Variants in DPYD observed in about 807,000 individuals in gnomAD.
DPYD encodes the protein dihydropyrimidine dehydrogenase.
A neutral mutation model predicts 116.2 loss-of-function variants in DPYD; 109 were observed. The observed-to-expected ratio is 0.94, with a 90% CI of 0.80 to 1.10. The LOEUF (loss-of-function observed/expected upper bound fraction) is 1.10, where lower values mean the gene tolerates loss of function less well. DPYD is among the 50% of genes least tolerant of loss of function. The pLI is 0.00. For synonymous variants in DPYD, 440 were observed against 432.0 expected (o/e 1.02, Z -0.23); for missense variants, 1,302 against 1,254.5 (o/e 1.04, Z -0.57).
chr1:97,298,746 T>C lies in DPYD; in HGVS notation c.2299+6513A>G, dbSNP rs78142314. The stretch of plus-strand genomic sequence containing the variant: ...TGGATAGAGATGGTGAGGAATCTCA[T>C]TCCAGTCATGCTCTCCTTTCCTAAT... On this transcript the variant is annotated intron_variant, in intron 18 of 22. Coordinates refer to ENST00000370192, the MANE Select transcript of DPYD (RefSeq NM_000110.4). 1.5e-3 allele frequency among the ~76,000 whole-genome samples: 225 copies of C among 152,270 alleles called. 1 individual carries two copies. The East Asian group carries it at 0.02, about 14-fold the overall frequency.
intron 14 of DPYD, among the ~76,000 whole-genome samples, chr1:97,404,942 A>T (rs1449140863): frequency 7.0e-6 from 1 of 143,084 alleles, no homozygotes. Context: ...TTAGCATATC[A>T]CTTGTACTTT....
rs779448929 is a variant in DPYD at position 97,082,408 on chromosome 1, T to C, written c.2829A>G (p.Gln943=). The C allele has an allele frequency of 5.0e-6, 8 of 1,613,706 alleles. No homozygotes were observed. In the South Asian group the frequency reaches 8.8e-5, roughly 18 times the overall value. Residue 943 remains glutamine, a synonymous_variant, in exon 22 of 23, where the codon CAA becomes CAG. Coordinates refer to ENST00000370192, the MANE Select transcript of DPYD (RefSeq NM_000110.4). ...TTTCTTCATCAATCATAGCCACAACTTGCTCTACGTTGCTCAATTCACCAA... is the reference window on the plus strand; with the variant it reads ...TTTCTTCATCAATCATAGCCACAACCTGCTCTACGTTGCTCAATTCACCAA... ...GTFGELSNVE[Q]VVAMIDEEMC... is the part of the protein sequence containing the mutation.
Position 97,180,012 on chromosome 1 carries a change from T to C in DPYD, c.2622+13057A>G, listed in dbSNP as rs1657543220. On this transcript the variant is annotated intron_variant, in intron 20 of 22. Transcript: ENST00000370192. ...CAATTATTCAGGGCAACTGAAGATA[T>C]CCTCACCTATCCTTCCTAAGCTCCC... is the stretch of plus-strand genomic sequence containing the variant. 1.3e-5 allele frequency among the ~76,000 whole-genome samples: 2 copies of C among 152,154 alleles called. 1 individual carries two copies. The highest frequency in any genetic ancestry group is 2.9e-5 in the Non-Finnish European group (2 of 68,022).
intron 16 of DPYD, among the ~76,000 whole-genome samples, chr1:97,320,181 G>T (rs1253134664): frequency 1.6e-5 from 2 of 127,718 alleles, no homozygotes; most frequent in African/African-American, 2.9e-5. Context: ...ACAAGACAGG[G>T]ATGCCCTCTC....
chr1:97,247,991 C>A (rs548743323), intron 18 of DPYD, among the ~76,000 whole-genome samples: 17 of 152,242 alleles, frequency 1.1e-4, no homozygotes, highest in African/African-American at 4.1e-4. Context: ...GAAGAATGAG[C>A]CAATCTCAAC....
Position 97,740,438 on chromosome 1 carries a change from G to T in DPYD, c.275C>A (p.Pro92Gln). 1 of 1,613,042 alleles carries T rather than the reference G, an allele frequency of 6.2e-7. No individual in the cohort carries two copies. Among genetic ancestry groups the T allele is most frequent in the Non-Finnish European group, 8.5e-7 (1 of 1,179,458 alleles). ...CADAPCQKSC[P>Q]TNLDIKSFIT... ...GAATGATTTAATATCAAGATTAGTT[G>T]GACAGCTCTTCTGACACGGGGCATC... The change falls in exon 4 of 23, where the codon CCA becomes CAA. Residue 92 changes from proline to glutamine, a missense_variant. By Grantham distance (76) the Pro-to-Gln change is moderately conservative. Coordinates refer to ENST00000370192, the MANE Select transcript of DPYD (RefSeq NM_000110.4).
At chr1:97,289,500 G>A (rs1482448737) in intron 18 of DPYD, among the ~76,000 whole-genome samples, 3 of 151,408 alleles carry the variant, frequency 2.0e-5, no homozygotes, top group Non-Finnish European at 3.0e-5. Flanking sequence ...TGATCAAGTG[G>A]GCTTCATCCC....
chr1:97,824,900 A>G lies in DPYD; in HGVS notation c.233+3214T>C, dbSNP rs76303383. ...GGCTACAACAAGTATCAAAATACTA[A>G]CAAGTCTCAAATGCGCACATCAACT... On this transcript the variant is annotated intron_variant, in intron 3 of 22. Transcript: ENST00000370192. 5.6e-4 allele frequency among the ~76,000 whole-genome samples: 86 copies of G among 152,312 alleles called. 1 individual carries two copies. In the East Asian group the frequency reaches 0.016, roughly 28 times the overall value.
intron 19 of DPYD, among the ~76,000 whole-genome samples, chr1:97,203,453 GAATATCAC>G (rs1446124638): frequency 9.0e-6 from 1 of 110,968 alleles, no homozygotes. Context: ...TCAGGAAGGG[GAATATCAC>G]ACTCTGGGGA....
chr1:97,729,422 A>G (rs1040076836), intron 4 of DPYD, among the ~76,000 whole-genome samples: 34 of 152,120 alleles, frequency 2.2e-4, no homozygotes, highest in Non-Finnish European at 1.5e-4. Context: ...TCCATTATGT[A>G]CTATACAATA....
chr1:97,745,225 C>A (rs72977750), intron 3 of DPYD, among the ~76,000 whole-genome samples: 4,769 of 152,136 alleles, frequency 0.031, 110 homozygotes, highest in African/African-American at 0.065. Flanking sequence ...ACTGAGCTGG[C>A]AGCTATGATA....
intron 18 of DPYD, among the ~76,000 whole-genome samples, chr1:97,236,102 A>C (rs1661909856): frequency 2.6e-5 from 4 of 152,238 alleles, no homozygotes; most frequent in Admixed American, 2.6e-4. Flanking sequence ...TAATGCTTTC[A>C]TAATAAAGGA....
chr1:97,416,334 G>A (rs1674288282), intron 14 of DPYD, among the ~76,000 whole-genome samples: 1 of 152,130 alleles, frequency 6.6e-6, no homozygotes, highest in African/African-American at 2.4e-5. Flanking sequence ...TAGTTCATGT[G>A]GAGCTATAAT....
At chr1:97,544,311 G>A (rs1045397802) in intron 12 of DPYD, among the ~76,000 whole-genome samples, 1 of 152,142 alleles carries the variant, frequency 6.6e-6, no homozygotes, top group African/African-American at 2.4e-5. Flanking sequence ...ACCCTGGCAG[G>A]AAGGTGGAAA....
chr1:97,115,300 G>GTCCT (rs1287908564), intron 20 of DPYD, among the ~76,000 whole-genome samples: 1 of 152,184 alleles, frequency 6.6e-6, no homozygotes, highest in Non-Finnish European at 1.5e-5. Flanking sequence ...TGAGAGAAAA[G>GTCCT]TCCTTGACTA....
intron 8 of DPYD, among the ~76,000 whole-genome samples, chr1:97,669,104 G>A (rs1236864318): frequency 6.6e-6 from 1 of 152,256 alleles, no homozygotes; most frequent in South Asian, 2.1e-4. Flanking sequence ...GGGGGTGGGT[G>A]TGAACAGAGC....
intron 8 of DPYD, among the ~76,000 whole-genome samples, chr1:97,612,670 T>C (rs999297428): frequency 6.6e-6 from 1 of 152,088 alleles, no homozygotes; most frequent in South Asian, 2.1e-4. Flanking sequence ...CAGCAAATAA[T>C]ATCTTTAATT....
intron 8 of DPYD, among the ~76,000 whole-genome samples, chr1:97,595,694 C>A (rs1654832962): frequency 1.3e-5 from 2 of 151,348 alleles, no homozygotes; most frequent in South Asian, 4.2e-4. Flanking sequence ...AAATTATTAA[C>A]CAAGAAGATG....
chr1:97,473,354 C>A (rs1038371037), intron 13 of DPYD, among the ~76,000 whole-genome samples: 3 of 152,160 alleles, frequency 2.0e-5, no homozygotes, highest in Non-Finnish European at 4.4e-5. Flanking sequence ...GGCATACATA[C>A]CACATTTTCT....
Sources: allele counts gnomAD v4.1 joint callset (sites outside exome capture counted in the v4.1 genomes callset), GRCh38; gene constraint gnomAD v4.1.1; transcripts MANE v1.5; gene names NCBI Gene and HGNC (gene_info 2026-07-23, HGNC 2026-07-21).